The following C19orf44 variants were observed in gnomAD, a reference collection of about 807,000 sequenced individuals.
C19orf44 encodes uncharacterized protein C19orf44.
C19orf44 carries 43 observed loss-of-function variants against 50.7 expected under a neutral mutation model. That is an observed-to-expected ratio of 0.85 (90% CI 0.66 to 1.09). C19orf44 has a LOEUF of 1.09. Among genes scored for constraint, C19orf44 ranks in the 50% least tolerant of loss-of-function variants. The probability of loss-of-function intolerance (pLI) is 0.00; values close to 1 mark genes in which losing one functional copy is unlikely to be tolerated. For missense variants in C19orf44, 722 were observed against 836.2 expected (o/e 0.86, Z 1.68); for synonymous variants, 298 against 334.7 (o/e 0.89, Z 1.20).
intron 3 of C19orf44, among the ~76,000 whole-genome samples, chr19:16,503,995 T>C (rs548407034): frequency 3.3e-5 from 5 of 152,224 alleles, no homozygotes; most frequent in African/African-American, 1.2e-4. Context: ...CCTGGCAACA[T>C]GGTGAAACCC....
At chr19:16,510,493 A>G (rs2093454155) in intron 5 of C19orf44, among the ~76,000 whole-genome samples, 1 of 152,070 alleles carries the variant, frequency 6.6e-6, no homozygotes, top group Non-Finnish European at 1.5e-5. Context: ...ATGTCTTCCT[A>G]GCCCTGAAGC....
intron 8 of C19orf44, chr19:16,518,880 G>A (rs1230832091): frequency 1.7e-5 from 8 of 473,200 alleles, no homozygotes; most frequent in African/African-American, 6.0e-5. Context: ...CGGGCGGAGG[G>A]TCTTGTGTTT....
rs2093422745 is a variant in C19orf44, at chr19:16,500,733, T to TACA, written c.-1-59_-1-58insACA. The TACA allele has an allele frequency of 4.1e-6, 6 of 1,477,714 alleles. No individual in the cohort carries two copies. In the East Asian group the frequency reaches 1.4e-4, roughly 34 times the overall value. The allele number at this position is 1,477,714 out of a possible 1,614,324, so 91.5% of individuals were successfully genotyped here. A position where few individuals can be genotyped will look rare whatever the true frequency, so the allele number is the denominator to read the frequency against. On this transcript the variant is annotated intron_variant, in intron 1 of 8. Transcript: ENST00000221671. Reference sequence around the variant, plus strand: ...TGAGCTTTTGCCAAGTAGGAGCCATTGAATGCTCAATACAAACAGCAGGTA... The same window carrying TACA: ...TGAGCTTTTGCCAAGTAGGAGCCATTACAGAATGCTCAATACAAACAGCAGGTA...
intron 7 of C19orf44, among the ~76,000 whole-genome samples, chr19:16,516,560 T>C (rs547803301): frequency 7.2e-5 from 11 of 152,332 alleles, no homozygotes; most frequent in African/African-American, 2.6e-4. Flanking sequence ...TACTATCCGA[T>C]ATGTCCTTTG....
intron 4 of C19orf44, among the ~76,000 whole-genome samples, chr19:16,509,060 T>C (rs2093448717): frequency 6.6e-6 from 1 of 152,112 alleles, no homozygotes; most frequent in Non-Finnish European, 1.5e-5. Flanking sequence ...CCTCAGGTGA[T>C]CTGCCCGCCT....
chr19:16,519,592 C>T lies in C19orf44; in HGVS notation c.*41-502C>T, dbSNP rs530682723. On this transcript the variant is annotated intron_variant, in intron 8 of 8. Transcript: ENST00000221671. This position sits in a 1 kb window ranked among gnomAD's most constrained non-coding sequence, Gnocchi z 6.0. ...GGGCCCAGCACGCGTGAGGACCCATCCCGCGCCCTCCCCATTCCCTCGCCT... is the reference window on the plus strand; with the variant it reads ...GGGCCCAGCACGCGTGAGGACCCATTCCGCGCCCTCCCCATTCCCTCGCCT... 4.6e-5 allele frequency: 72 copies of T among 1,578,878 alleles called. No individual in the cohort carries two copies. In the East Asian group the frequency reaches 1.5e-3, roughly 34 times the overall value.
At chr19:16,499,519 C>T (rs2093419090) in intron 1 of C19orf44, 1 of 152,112 alleles carries the variant, frequency 6.6e-6, no homozygotes, top group Non-Finnish European at 1.5e-5. Context: ...TCGTGATCCA[C>T]CCGCCTTGGC....
rs1232412057 is a variant in C19orf44, at chr19:16,520,550, C to T, written c.*497C>T. ...ATGATCAGGTGCCCCAGTGGATGGG[C>T]TGCACCCAGCCCACCCTGGCCCTCA... On this transcript the variant is annotated 3_prime_UTR_variant, in exon 9 of 9. Transcript: ENST00000221671. This position sits in a 1 kb window ranked among gnomAD's most constrained non-coding sequence, Gnocchi z 4.0. The T allele has an allele frequency of 6.3e-7, 1 of 1,585,382 alleles. No homozygotes were observed. The highest frequency in any genetic ancestry group is 8.6e-7 in the Non-Finnish European group (1 of 1,165,058).
In C19orf44 at chr19:16,521,058, G is replaced by T; in HGVS notation, c.*1005G>T. On this transcript the variant is annotated 3_prime_UTR_variant, in exon 9 of 9. Coordinates refer to ENST00000221671, the MANE Select transcript of C19orf44 (RefSeq NM_032207.4). Reference sequence around the variant, plus strand: ...TCCGAGCATGGGCGCAGTAGAGCTTGGTTCAGTGTTCCCACAGGGCTGTCC... The same window carrying T: ...TCCGAGCATGGGCGCAGTAGAGCTTTGTTCAGTGTTCCCACAGGGCTGTCC... 2.8e-6 allele frequency: 2 copies of T among 705,828 alleles called. No individual in the cohort carries two copies. Among genetic ancestry groups the T allele is most frequent in the Non-Finnish European group, 5.0e-6 (2 of 399,790 alleles). The allele number at this position is 705,828 out of a possible 1,614,324, so 43.7% of individuals were successfully genotyped here.
chr19:16,517,101 T>C, intron 7 of C19orf44, 129 bp from the exon 8 acceptor site: 2 of 824,460 alleles, frequency 2.4e-6, no homozygotes, highest in African/African-American at 3.4e-5. Context: ...CATCCTGTGG[T>C]TTTACACTTC....
chr19:16,503,014 C>CA (rs766896291), intron 2 of C19orf44, 51 bp from the exon 3 acceptor site: 1 of 1,488,898 alleles, frequency 6.7e-7, no homozygotes, highest in Non-Finnish European at 9.1e-7. Flanking sequence ...AACAAAAAAA[C>CA]AAAAAACCTT....
Position 16,519,437 on chromosome 19 carries a change from T to C in C19orf44, c.*41-657T>C, listed in dbSNP as rs1028500976. On this transcript the variant is annotated intron_variant, in intron 8 of 8. Coordinates refer to ENST00000221671, the MANE Select transcript of C19orf44 (RefSeq NM_032207.4). This position sits in a 1 kb window ranked among gnomAD's most constrained non-coding sequence, Gnocchi z 6.0. ...GGGGGCTGAATGTCCAGACAGGCAGTGTAGACATGGGAAATGGGTAGAGAG... is the reference window on the plus strand; with the variant it reads ...GGGGGCTGAATGTCCAGACAGGCAGCGTAGACATGGGAAATGGGTAGAGAG... 9.7e-6 allele frequency: 14 copies of C among 1,437,644 alleles called. No individual in the cohort carries two copies. Among genetic ancestry groups the C allele is most frequent in the African/African-American group, 1.4e-5 (1 of 70,740 alleles). The allele number at this position is 1,437,644 out of a possible 1,614,324, so 89.1% of individuals were successfully genotyped here. A position where few individuals can be genotyped will look rare whatever the true frequency, so the allele number is the denominator to read the frequency against.
intron 5 of C19orf44, 116 bp from the exon 6 acceptor site, chr19:16,512,898 C>T: frequency 1.3e-6 from 1 of 795,226 alleles, no homozygotes; most frequent in South Asian, 1.8e-5. Flanking sequence ...GTGGCGATCA[C>T]CTTCAGAAAG....
chr19:16,512,908 G>T, intron 5 of C19orf44, 106 bp from the exon 6 acceptor site: 3 of 787,470 alleles, frequency 3.8e-6, no homozygotes, highest in Non-Finnish European at 5.9e-6. Context: ...CCTTCAGAAA[G>T]AGGGAAGAAC....
chr19:16,501,626 C>G, intron 2 of C19orf44, 75 bp downstream of exon 2: 1 of 1,121,928 alleles, frequency 8.9e-7, no homozygotes, highest in Non-Finnish European at 1.1e-6. Flanking sequence ...GAGTTTTGCT[C>G]TTGTTGCCCA....
At position 16,501,144 on chromosome 19, in the gene C19orf44, TC is replaced by T; in HGVS notation, c.353del (p.Ser118LeufsTer4). 1 of 1,614,084 alleles carries T rather than the reference TC, an allele frequency of 6.2e-7. No homozygotes were observed. The highest frequency in any genetic ancestry group is 8.5e-7 in the Non-Finnish European group (1 of 1,180,034). ...GCAGAGGAATTTGTCTGACACGGAA[TC>T]TGACTCAATGACCGCCGATGCTGGT... ...KLQRNLSDTE[S>X]DSMTADAGLP... On this transcript the variant is annotated frameshift_variant, in exon 2 of 9. Coordinates refer to ENST00000221671, the MANE Select transcript of C19orf44 (RefSeq NM_032207.4). LOFTEE classifies it high-confidence loss of function.
At position 16,520,506 on chromosome 19, in the gene C19orf44, C is replaced by A; in HGVS notation, c.*453C>A. ...GATCTGCTCCGAGACCTCGAGGGTC[C>A]GCTGTGGGGAGAGGCCTGATGATCA... On this transcript the variant is annotated 3_prime_UTR_variant, in exon 9 of 9. Coordinates refer to ENST00000221671, the MANE Select transcript of C19orf44 (RefSeq NM_032207.4). The surrounding 1 kb of genome is among the most constrained non-coding windows in gnomAD (Gnocchi z 4.0). The A allele has an allele frequency of 6.2e-7, 1 of 1,611,804 alleles. No homozygotes were observed. The highest frequency in any genetic ancestry group is 8.5e-7 in the Non-Finnish European group (1 of 1,178,866).
In C19orf44 at chr19:16,516,350, TGGGA is replaced by T. The variant is rs201341790; in HGVS notation, c.1903-877_1903-874del. ...GTCCCAGCTCTCTGGGAGGCTGAGG[TGGGA>T]GGATCACTTGAGCTGGGGAGGTTGA... On this transcript the variant is annotated intron_variant, in intron 7 of 8. Coordinates refer to ENST00000221671, the MANE Select transcript of C19orf44 (RefSeq NM_032207.4). Among the ~76,000 whole-genome samples, 5 of 151,918 alleles carry T rather than the reference TGGGA, an allele frequency of 3.3e-5. 1 individual carries two copies. In the East Asian group the frequency reaches 9.7e-4, roughly 29 times the overall value.
intron 6 of C19orf44, 98 bp from the exon 7 acceptor site, chr19:16,514,399 A>AAT: frequency 2.5e-6 from 3 of 1,200,314 alleles, no homozygotes; most frequent in African/African-American, 1.6e-5. Context: ...AAAAAAAAAA[A>AAT]GATTTCAGAG....
Sources: allele counts gnomAD v4.1 joint callset (sites outside exome capture counted in the v4.1 genomes callset), GRCh38; gene constraint gnomAD v4.1.1; non-coding constraint Gnocchi (gnomAD v3.1); transcripts MANE v1.5; gene names NCBI Gene and HGNC (gene_info 2026-07-23, HGNC 2026-07-21).